Variants in CASD1 observed in about 807,000 individuals in gnomAD.
CASD1 encodes the protein N-acetylneuraminate (7)9-O-acetyltransferase.
Under a neutral mutation model 100.0 loss-of-function variants are expected in CASD1, and 41 were observed. The ratio of observed to expected loss-of-function variants is 0.41; its 90% confidence interval spans 0.32 to 0.53. The LOEUF (loss-of-function observed/expected upper bound fraction) is 0.53. CASD1 is among the 20% of genes least tolerant of loss of function. The pLI, the probability that CASD1 is intolerant of heterozygous loss-of-function variation, is 0.25. For missense variants in CASD1, 774 were observed against 948.7 expected, an observed-to-expected ratio of 0.82 and a Z score of 2.42; for synonymous variants, 321 against 315.6, an observed-to-expected ratio of 1.02 and a Z score of -0.18.
At chr7:94,606,888 A>G in the CASD1 span, among the ~76,000 whole-genome samples, 2 of 152,328 alleles carry the variant, frequency 1.3e-5, no homozygotes, top group African/African-American at 4.8e-5. Context: ...GAAATCTTGG[A>G]TGAAACTTGA....
intron 1 of CASD1, among the ~76,000 whole-genome samples, chr7:94,514,992 G>C (rs1449890864): frequency 6.6e-6 from 1 of 152,040 alleles, no homozygotes; most frequent in East Asian, 1.9e-4. Context: ...ATTTGTTTTA[G>C]AGTATGAAAT....
the CASD1 span, chr7:94,618,727 A>G: frequency 1.3e-6 from 2 of 1,565,538 alleles, no homozygotes; most frequent in South Asian, 1.1e-5. Context: ...AAAAATCTAT[A>G]TTTAAGGCAA....
the CASD1 span, among the ~76,000 whole-genome samples, chr7:94,574,380 C>G: frequency 6.6e-6 from 1 of 151,932 alleles, no homozygotes; most frequent in African/African-American, 2.4e-5. Context: ...GGTTGGTAGG[C>G]TACTTATTAC....
At chr7:94,591,467 T>C in the CASD1 span, among the ~76,000 whole-genome samples, 22 of 152,306 alleles carry the variant, frequency 1.4e-4, no homozygotes, top group African/African-American at 5.3e-4. Context: ...CAACACATTC[T>C]GACAAAATAC....
chr7:94,533,857 TTTTA>T, intron 7 of CASD1, 55 bp downstream of exon 7: 6 of 1,409,402 alleles, frequency 4.3e-6, no homozygotes, highest in Non-Finnish European at 5.6e-6. Context: ...AAGCATGGGT[TTTTA>T]TTATCTCCTG....
chr7:94,630,777 C>T, the CASD1 span, among the ~76,000 whole-genome samples: 13 of 151,820 alleles, frequency 8.6e-5, no homozygotes, highest in African/African-American at 3.1e-4. Flanking sequence ...CCCTATCAGG[C>T]CAGTTCTTTC....
the CASD1 span, among the ~76,000 whole-genome samples, chr7:94,609,392 T>C: frequency 1.3e-5 from 2 of 152,138 alleles, no homozygotes; most frequent in African/African-American, 2.4e-5. Context: ...CTGTGTAAGA[T>C]GGCATGCTTC....
chr7:94,562,573 A>C, the CASD1 span, among the ~76,000 whole-genome samples: 1 of 152,234 alleles, frequency 6.6e-6, no homozygotes, highest in African/African-American at 2.4e-5. Context: ...TAAGGCCGAA[A>C]GTTCTCCTTA....
chr7:94,539,148 C>G (rs1189960464), intron 10 of CASD1, 92 bp downstream of exon 10: 2 of 650,962 alleles, frequency 3.1e-6, no homozygotes, highest in Non-Finnish European at 5.3e-6. Flanking sequence ...GTTTTATAAT[C>G]TCTACCAGTT....
chr7:94,633,012 T>C, the CASD1 span, among the ~76,000 whole-genome samples: 1 of 151,922 alleles, frequency 6.6e-6, no homozygotes, highest in East Asian at 1.9e-4. Context: ...AAAATCAAAT[T>C]TAAACACTCT....
rs866397681 is a variant in CASD1, at chr7:94,537,763, G to A, written c.1135G>A (p.Ala379Thr). 6.2e-7 allele frequency: 1 copy of A among 1,613,572 alleles called. No individual in the cohort carries two copies. Among genetic ancestry groups the A allele is most frequent in the Non-Finnish European group, 8.5e-7 (1 of 1,179,780 alleles). ...TTTCTGCAAACTTGGCCTGATTATG[G>A]CATATTTCTATATGTGTGACCGTGC... ...QSFCKLGLIM[A>T]YFYMCDRANL... The change falls in exon 9 of 18, where the codon GCA (alanine) becomes ACA (threonine). Residue 379 changes from alanine to threonine, a missense_variant. By Grantham distance (58) the Ala-to-Thr change is moderately conservative. Around this residue, in one of 5 missense-constraint regions of CASD1, gnomAD observed 453 missense variants for 532.6 expected, o/e 0.85. Transcript: ENST00000297273.
chr7:94,549,958 A>G (rs774192430), intron 14 of CASD1, among the ~76,000 whole-genome samples: 9 of 152,218 alleles, frequency 5.9e-5, no homozygotes, highest in East Asian at 1.9e-4. Flanking sequence ...TTGAGTTTCA[A>G]TATGTGCCCT....
chr7:94,623,751 T>C, the CASD1 span: 2 of 394,418 alleles, frequency 5.1e-6, no homozygotes, highest in Non-Finnish European at 8.9e-6. Flanking sequence ...AAAAAAACAA[T>C]AATTTTTGTA....
the CASD1 span, among the ~76,000 whole-genome samples, chr7:94,572,448 A>G: frequency 6.6e-6 from 1 of 151,936 alleles, no homozygotes; most frequent in Non-Finnish European, 1.5e-5. Context: ...AATGCTAGTG[A>G]TTTTTGTACA....
At chr7:94,551,104 G>A (rs1007821332) in intron 14 of CASD1, among the ~76,000 whole-genome samples, 2 of 151,988 alleles carry the variant, frequency 1.3e-5, no homozygotes, top group African/African-American at 4.8e-5. Flanking sequence ...GAATCAACCA[G>A]TGTTATCTCA....
At chr7:94,523,448 C>T (rs1251594137) in intron 3 of CASD1, among the ~76,000 whole-genome samples, 2 of 151,992 alleles carry the variant, frequency 1.3e-5, no homozygotes, top group East Asian at 1.9e-4. Context: ...TAAAATATAC[C>T]GTGTGCAATG....
intron 17 of CASD1, 72 bp downstream of exon 17, chr7:94,554,647 G>A: frequency 1.1e-6 from 1 of 902,392 alleles, no homozygotes; most frequent in East Asian, 2.5e-5. Context: ...GTGTGTGTGT[G>A]TAAATATCAC....
chr7:94,605,848 ATT>A, the CASD1 span, among the ~76,000 whole-genome samples: 1 of 151,974 alleles, frequency 6.6e-6, no homozygotes, highest in Admixed American at 6.6e-5. Context: ...TTTTTATTTT[ATT>A]TTTGAGACAC....
rs1220287887 is a variant in CASD1, at chr7:94,510,089, C to G, written c.5C>G (p.Ala2Gly). The change falls in exon 1 of 18, where the codon GCG (alanine) becomes GGG (glycine). Residue 2 changes from alanine to glycine, a missense_variant. By Grantham distance (60) the Ala-to-Gly change is moderately conservative. This residue lies in a region of CASD1 where 75 missense variants were observed against 60.9 expected (regional missense o/e 1.23). Transcript: ENST00000297273. M[A>G]ALAYNLGKRE... ...TGTTGTCATGGAGGAACCAAGATGG[C>G]GGCTCTGGCCTACAACCTGGGCAAG... 2 of 1,518,854 alleles carry G rather than the reference C, an allele frequency of 1.3e-6. No homozygotes were observed. Among genetic ancestry groups the G allele is most frequent in the Non-Finnish European group, 8.8e-7 (1 of 1,131,174 alleles). The allele number at this position is 1,518,854 out of a possible 1,614,324, so 94.1% of individuals were successfully genotyped here.
Sources: allele counts gnomAD v4.1 joint callset (sites outside exome capture counted in the v4.1 genomes callset), GRCh38; gene constraint gnomAD v4.1.1; regional missense constraint gnomAD v4.1.1; transcripts MANE v1.5; gene names NCBI Gene and HGNC (gene_info 2026-07-23, HGNC 2026-07-21).